The following ACYP2 variants were observed in gnomAD, a reference collection of about 807,000 sequenced individuals.
ACYP2 encodes the protein acylphosphatase 2, also known as acylphosphatase-2.
ACYP2 carries 12 observed loss-of-function variants against 11.2 expected under a neutral mutation model. That is an observed-to-expected ratio of 1.08 (90% confidence interval 0.69 to 1.74). The LOEUF is 1.74. Among genes scored for constraint, ACYP2 ranks in the 40% most tolerant of loss-of-function variants. The probability of loss-of-function intolerance (pLI) is 0.00; values close to 1 mark genes in which losing one functional copy is unlikely to be tolerated. For missense variants in ACYP2, 134 were observed against 101.9 expected, an observed-to-expected ratio of 1.31 and a Z score of -1.35; for synonymous variants, 43 against 32.2, an observed-to-expected ratio of 1.33 and a Z score of -1.13.
intron 3 of ACYP2, among the ~76,000 whole-genome samples, chr2:54,052,652 CA>C (rs971054304): frequency 1.3e-5 from 2 of 150,860 alleles, no homozygotes; most frequent in African/African-American, 4.9e-5. Context: ...TGTCCTTAAA[CA>C]AAAAAAAAGA....
chr2:54,030,179 G>A (rs1444656068), intron 2 of ACYP2, among the ~76,000 whole-genome samples: 2 of 152,166 alleles, frequency 1.3e-5, no homozygotes, highest in Non-Finnish European at 2.9e-5. Flanking sequence ...GACCTTCAAG[G>A]CCTGTCTACT....
intron 3 of ACYP2, among the ~76,000 whole-genome samples, chr2:54,052,522 G>C (rs539648634): frequency 6.0e-4 from 91 of 152,214 alleles, no homozygotes; most frequent in African/African-American, 2.1e-3. Context: ...CTCTGTTGCA[G>C]CTTATAAGAA....
At chr2:53,992,160 C>T (rs1226620150) in intron 2 of ACYP2, among the ~76,000 whole-genome samples, 2 of 143,902 alleles carry the variant, frequency 1.4e-5, no homozygotes, top group African/African-American at 2.7e-5. Context: ...TCTTTCCTTC[C>T]TTCCTACTTT....
Position 54,072,929 on chromosome 2 carries a change from C to G in ACYP2, c.277+15569C>G, listed in dbSNP as rs143362892. 3.4e-3 allele frequency among the ~76,000 whole-genome samples: 510 copies of G among 152,170 alleles called. 2 individuals carry two copies. The highest frequency in any genetic ancestry group is 0.012 in the African/African-American group (483 of 41,506). On this transcript the variant is annotated intron_variant, in intron 4 of 6. Transcript: ENST00000607452. ...TAAATTCATATGGAAATGCAAGGTACTCAAACAATCTTGAGAAAGAACAAA... is the reference window on the plus strand; with the variant it reads ...TAAATTCATATGGAAATGCAAGGTAGTCAAACAATCTTGAGAAAGAACAAA...
chr2:54,270,511 A>G (rs1305652980), intron 6 of ACYP2, among the ~76,000 whole-genome samples: 2 of 152,178 alleles, frequency 1.3e-5, no homozygotes, highest in African/African-American at 4.8e-5. Context: ...GGGAGGCTGA[A>G]GTGGGAAGAT....
intron 4 of ACYP2, among the ~76,000 whole-genome samples, chr2:54,078,664 A>G (rs7573551): frequency 0.25 from 37,655 of 150,878 alleles, 5,270 homozygotes; most frequent in South Asian, 0.47. Context: ...CAGTGGCGCA[A>G]TTTTGGCTCA....
At chr2:54,121,862 T>C (rs921262966) in intron 4 of ACYP2, among the ~76,000 whole-genome samples, 3 of 152,234 alleles carry the variant, frequency 2.0e-5, no homozygotes, top group African/African-American at 4.8e-5. Context: ...TGTTTTCATA[T>C]CCCCTACACG....
At chr2:54,178,478 A>T (rs913962207) in intron 6 of ACYP2, among the ~76,000 whole-genome samples, 1 of 152,336 alleles carries the variant, frequency 6.6e-6, no homozygotes, top group Non-Finnish European at 1.5e-5. Flanking sequence ...GCTGCCACAG[A>T]AGAAAGCAAG....
chr2:54,074,570 A>G (rs1677225630), intron 4 of ACYP2, among the ~76,000 whole-genome samples: 1 of 146,354 alleles, frequency 6.8e-6, no homozygotes. Context: ...ATATAAATAG[A>G]ACAGAATTTG....
intron 4 of ACYP2, among the ~76,000 whole-genome samples, chr2:54,109,447 T>C (rs1428574375): frequency 1.3e-5 from 2 of 152,062 alleles, no homozygotes; most frequent in Admixed American, 1.3e-4. Flanking sequence ...AAAAACTGCA[T>C]ATTGGGTACA....
At chr2:54,201,699 T>TC (rs1491130605) in intron 6 of ACYP2, among the ~76,000 whole-genome samples, 1 of 147,258 alleles carries the variant, frequency 6.8e-6, no homozygotes, top group African/African-American at 2.5e-5. Flanking sequence ...TCTCTCTCTC[T>TC]TTTTTCTTTT....
intron 4 of ACYP2, among the ~76,000 whole-genome samples, chr2:54,098,224 C>G (rs748141090): frequency 1.3e-5 from 2 of 152,164 alleles, no homozygotes; most frequent in Non-Finnish European, 2.9e-5. Flanking sequence ...CTGCCTCAGC[C>G]TCCCAAAGTG....
chr2:54,264,231 TA>T (rs951438975), intron 6 of ACYP2, among the ~76,000 whole-genome samples: 20 of 152,132 alleles, frequency 1.3e-4, no homozygotes, highest in African/African-American at 4.8e-4. Flanking sequence ...CTACAGGTCA[TA>T]AAGGTAGTGC....
chr2:54,161,073 G>A (rs7574477), intron 6 of ACYP2, among the ~76,000 whole-genome samples: 86,702 of 152,016 alleles, frequency 0.57, 25,036 homozygotes, highest in East Asian at 0.72. Context: ...ACTGAATCCG[G>A]AGCCCAGGGT....
intron 2 of ACYP2, among the ~76,000 whole-genome samples, chr2:53,995,230 GA>G (rs1277934114): frequency 6.6e-6 from 1 of 151,564 alleles, no homozygotes; most frequent in Non-Finnish European, 1.5e-5. Flanking sequence ...ATCTGTTTGA[GA>G]AAAAAAATTG....
intron 6 of ACYP2, among the ~76,000 whole-genome samples, chr2:54,185,562 T>G (rs778144735): frequency 6.6e-6 from 1 of 152,162 alleles, no homozygotes; most frequent in African/African-American, 2.4e-5. Flanking sequence ...CAACAAAAAT[T>G]TAGAATGAGG....
At chr2:54,292,259 TA>T (rs1689341158) in intron 6 of ACYP2, among the ~76,000 whole-genome samples, 1 of 152,184 alleles carries the variant, frequency 6.6e-6, no homozygotes, top group Non-Finnish European at 1.5e-5. Context: ...TTCCAAACAT[TA>T]TTTTTTATTG....
At chr2:54,007,292 T>TCACCAGAC (rs1376378859) in intron 2 of ACYP2, among the ~76,000 whole-genome samples, 1 of 146,042 alleles carries the variant, frequency 6.8e-6, no homozygotes, top group Non-Finnish European at 1.5e-5. Context: ...TCTCGCTCTG[T>TCACCAGAC]CACCAGACTG....
rs141209640 is a variant in ACYP2, at chr2:54,197,942, A to ATATTG, written c.404+59284_404+59288dup. 7.5e-3 allele frequency among the ~76,000 whole-genome samples: 519 copies of ATATTG among 69,396 alleles called. 52 individuals carry two copies. Among genetic ancestry groups the ATATTG allele is most frequent in the East Asian group, 0.02 (41 of 2,024 alleles). The allele number at this position is 69,396 out of a possible 152,430, so 45.5% of individuals were successfully genotyped here. A position where few individuals can be genotyped will look rare whatever the true frequency, so the allele number is the denominator to read the frequency against. ...ATTTTATTTTATTTATGTATGTATTATATTGTATTGTATTGTATTGTATTG... is the reference window on the plus strand; with the variant it reads ...ATTTTATTTTATTTATGTATGTATTATATTGTATTGTATTGTATTGTATTGTATTG... On this transcript the variant is annotated intron_variant, in intron 6 of 6. Coordinates refer to ENST00000607452, the MANE Select transcript of ACYP2 (RefSeq NM_001320586.2).
Sources: allele counts gnomAD v4.1 joint callset (sites outside exome capture counted in the v4.1 genomes callset), GRCh38; gene constraint gnomAD v4.1.1; transcripts MANE v1.5; gene names NCBI Gene and HGNC (gene_info 2026-07-23, HGNC 2026-07-21).